GRM7: variants seen among roughly 807,000 people sequenced by gnomAD.
The protein encoded by GRM7 is glutamate metabotropic receptor 7, also known as metabotropic glutamate receptor 7.
Under a neutral mutation model 84.5 loss-of-function variants are expected in GRM7, and 35 were observed. The ratio of observed to expected loss-of-function variants is 0.41; its 90% CI spans 0.32 to 0.55. GRM7 has a LOEUF of 0.55. Among genes scored for constraint, GRM7 ranks in the 20% least tolerant of loss-of-function variants. GRM7 has a pLI of 0.19. For synonymous variants in GRM7, 487 were observed against 455.1 expected, an observed-to-expected ratio of 1.07 and a Z score of -0.89; for missense variants, 1,003 against 1,194.6, an observed-to-expected ratio of 0.84 and a Z score of 2.36.
chr3:7,028,452 A>T (rs896168699), intron 1 of GRM7, among the ~76,000 whole-genome samples: 1 of 152,200 alleles, frequency 6.6e-6, no homozygotes, highest in Non-Finnish European at 1.5e-5. Context: ...TAGTTTTAAA[A>T]CTTTCAGATA....
Position 7,243,179 on chromosome 3 carries a change from A to G in GRM7, c.737-55505A>G, listed in dbSNP as rs551004201. Among the ~76,000 whole-genome samples, 8 of 152,054 alleles carry G rather than the reference A, an allele frequency of 5.3e-5. No individual in the cohort carries two copies. In the East Asian group the frequency reaches 1.6e-3, roughly 29 times the overall value. On this transcript the variant is annotated intron_variant, in intron 2 of 9. Coordinates refer to ENST00000357716, the MANE Select transcript of GRM7 (RefSeq NM_000844.4). The stretch of plus-strand genomic sequence containing the variant: ...AATTAAGATTTAAGCACATATTTGA[A>G]CTCATTTATGGTATATTCCATAATA...
Position 6,888,896 on chromosome 3 carries a change from C to T in GRM7, c.519+26989C>T, listed in dbSNP as rs71407661. Among the ~76,000 whole-genome samples the T allele has an allele frequency of 5.5e-4, 83 of 152,226 alleles. 1 individual carries two copies. The South Asian group carries it at 0.016, about 30-fold the overall frequency. ...ATGTTCTTCTATTTGTTTGTATCCT[C>T]TTTATTTCATTGAGCAGTGGTTTGT... is the stretch of plus-strand genomic sequence containing the variant. On this transcript the variant is annotated intron_variant, in intron 1 of 9. Transcript: ENST00000357716.
At position 7,446,687 on chromosome 3, in the gene GRM7, T is replaced by TG. The variant is rs537434626; in HGVS notation, c.1175-5919dup. ...GTTGGCCAGGCTGGTCTTGAACTCC[T>TG]GACCTCAGGTGATCTGCCCACTTCG... On this transcript the variant is annotated intron_variant, in intron 5 of 9. Coordinates refer to ENST00000357716, the MANE Select transcript of GRM7 (RefSeq NM_000844.4). Among the ~76,000 whole-genome samples the TG allele has an allele frequency of 1.2e-4, 19 of 152,272 alleles. 1 individual carries two copies. In the South Asian group the frequency reaches 3.9e-3, roughly 32 times the overall value.
intron 4 of GRM7, among the ~76,000 whole-genome samples, chr3:7,323,834 T>C (rs1700879703): frequency 2.6e-5 from 4 of 152,108 alleles, no homozygotes; most frequent in Admixed American, 2.6e-4. Flanking sequence ...TATTATGAAA[T>C]GTAATCTTGA....
At chr3:7,359,006 C>G (rs1260724309) in intron 4 of GRM7, among the ~76,000 whole-genome samples, 1 of 133,568 alleles carries the variant, frequency 7.5e-6, no homozygotes, top group Non-Finnish European at 1.6e-5. Flanking sequence ...ATAATCCCAG[C>G]TACTCTGGAA....
At chr3:7,079,269 A>G (rs1237126143) in intron 1 of GRM7, among the ~76,000 whole-genome samples, 2 of 152,130 alleles carry the variant, frequency 1.3e-5, no homozygotes, top group African/African-American at 2.4e-5. Flanking sequence ...AACACAGTCT[A>G]ACAGAGTCAT....
intron 7 of GRM7, among the ~76,000 whole-genome samples, chr3:7,573,843 A>T (rs183783248): frequency 2.6e-5 from 4 of 152,282 alleles, no homozygotes; most frequent in East Asian, 3.9e-4. Flanking sequence ...TCCACGTAAG[A>T]ATTTGAATTA....
At chr3:7,467,195 C>G (rs1026576748) in intron 7 of GRM7, among the ~76,000 whole-genome samples, 3 of 152,150 alleles carry the variant, frequency 2.0e-5, no homozygotes, top group African/African-American at 4.8e-5. Context: ...TCAAACGACT[C>G]TCATGCCTCA....
At chr3:7,169,192 G>C (rs982233583) in intron 2 of GRM7, among the ~76,000 whole-genome samples, 1 of 151,920 alleles carries the variant, frequency 6.6e-6, no homozygotes, top group Admixed American at 6.6e-5. Context: ...AATGCATAGG[G>C]GTGCATTTTT....
intron 1 of GRM7, among the ~76,000 whole-genome samples, chr3:7,036,271 A>T (rs1480388842): frequency 2.6e-5 from 4 of 152,346 alleles, no homozygotes; most frequent in South Asian, 2.1e-4. Flanking sequence ...GAAAAGAGGA[A>T]AGAATAAGAA....
intron 4 of GRM7, among the ~76,000 whole-genome samples, chr3:7,367,124 T>G (rs1027222795): frequency 1.3e-5 from 2 of 150,436 alleles, no homozygotes; most frequent in African/African-American, 4.9e-5. Flanking sequence ...ATTTATTTCT[T>G]TACTTCAGAA....
At position 7,350,953 on chromosome 3, in the gene GRM7, A is replaced by G. The variant is rs138518222; in HGVS notation, c.1033+44301A>G. 1.9e-3 allele frequency among the ~76,000 whole-genome samples: 282 copies of G among 152,244 alleles called. 1 individual carries two copies. Among genetic ancestry groups the G allele is most frequent in the Middle Eastern group, 0.014 (4 of 294 alleles). On this transcript the variant is annotated intron_variant, in intron 4 of 9. Coordinates refer to ENST00000357716, the MANE Select transcript of GRM7 (RefSeq NM_000844.4). ...GGGTGATCTCTGAGGTCTGTAGAAG[A>G]TCAGAGTAAATCTCCTTTCATCATT...
intron 7 of GRM7, among the ~76,000 whole-genome samples, chr3:7,558,015 G>A (rs530103322): frequency 7.1e-6 from 1 of 141,506 alleles, no homozygotes; most frequent in South Asian, 2.2e-4. Context: ...AATGCAATTA[G>A]TGAAGATGTT....
Position 7,680,382 on chromosome 3 carries a change from T to C in GRM7, c.2698+87T>C, listed in dbSNP as rs147543576. ...GGGTGTGCTTGCCTCTCTGGAGAAA[T>C]ACTGTGATCGTTCTTGTCTTATGGG... On this transcript the variant is annotated intron_variant, in intron 9 of 9. Transcript: ENST00000357716. 2.4e-3 allele frequency: 3,316 copies of C among 1,386,376 alleles called. 6 individuals carry two copies. The highest frequency in any genetic ancestry group is 3.0e-3 in the Non-Finnish European group (2,960 of 989,958). 85.9% of individuals were successfully genotyped at this position (1,386,376 alleles called of 1,614,324 possible). A position where few individuals can be genotyped will look rare whatever the true frequency, so the allele number is the denominator to read the frequency against.
At chr3:7,622,164 G>T (rs752848558) in intron 8 of GRM7, among the ~76,000 whole-genome samples, 11 of 152,118 alleles carry the variant, frequency 7.2e-5, no homozygotes, top group Non-Finnish European at 8.8e-5. Context: ...ACCAGAGTTT[G>T]TAAAGAGCCA....
intron 8 of GRM7, among the ~76,000 whole-genome samples, chr3:7,600,081 G>A (rs1696243367): frequency 6.6e-6 from 1 of 152,072 alleles, no homozygotes; most frequent in South Asian, 2.1e-4. Flanking sequence ...AGACACAATT[G>A]CTATCTGCAG....
intron 1 of GRM7, among the ~76,000 whole-genome samples, chr3:7,093,423 C>T (rs1393662974): frequency 6.6e-6 from 1 of 151,514 alleles, no homozygotes; most frequent in Non-Finnish European, 1.5e-5. Flanking sequence ...CTCATACCTG[C>T]AATCCAAGCA....
intron 2 of GRM7, among the ~76,000 whole-genome samples, chr3:7,271,584 AAG>A (rs1698865578): frequency 6.7e-6 from 1 of 149,498 alleles, no homozygotes; most frequent in Non-Finnish European, 1.5e-5. Context: ...AAAAAAAAAA[AAG>A]AAATGCAGAA....
At chr3:7,414,628 T>A (rs1696083333) in intron 4 of GRM7, among the ~76,000 whole-genome samples, 1 of 152,180 alleles carries the variant, frequency 6.6e-6, no homozygotes, top group South Asian at 2.1e-4. Context: ...CCTTCTAATT[T>A]GACTAGAAAG....
Sources: allele counts gnomAD v4.1 joint callset (sites outside exome capture counted in the v4.1 genomes callset), GRCh38; gene constraint gnomAD v4.1.1; transcripts MANE v1.5; gene names NCBI Gene and HGNC (gene_info 2026-07-23, HGNC 2026-07-21).